Variants in PTPN21 observed in about 807,000 individuals in gnomAD.
PTPN21 encodes the protein protein tyrosine phosphatase non-receptor type 21, also known as tyrosine-protein phosphatase non-receptor type 21.
Under a neutral mutation model 131.8 loss-of-function variants are expected in PTPN21, and 77 were observed. That is an observed-to-expected ratio of 0.58 (90% CI 0.49 to 0.71). The LOEUF (loss-of-function observed/expected upper bound fraction) is 0.71. Among genes scored for constraint, PTPN21 ranks in the 30% least tolerant of loss-of-function variants. The pLI is 0.00. For synonymous variants in PTPN21, 715 were observed against 621.3 expected (o/e 1.15, Z -2.24); for missense variants, 1,552 against 1,527.1 (o/e 1.02, Z -0.27).
At position 88,506,156 on chromosome 14, in the gene PTPN21, T is replaced by C. The variant is rs1024727521; in HGVS notation, c.449-785A>G. 5.9e-5 allele frequency among the ~76,000 whole-genome samples: 9 copies of C among 151,898 alleles called. No individual in the cohort carries two copies. In the East Asian group the frequency reaches 1.5e-3, roughly 26 times the overall value. On this transcript the variant is annotated intron_variant, in intron 4 of 18. Transcript: ENST00000556564. The stretch of plus-strand genomic sequence containing the variant: ...AGAGTCTGAGACCAGCCTAGCAACA[T>C]AGCAAGACCCTATCTCTATAAAAAA...
At chr14:88,521,342 G>A (rs915217161) in intron 2 of PTPN21, among the ~76,000 whole-genome samples, 1 of 151,952 alleles carries the variant, frequency 6.6e-6, no homozygotes, top group African/African-American at 2.4e-5. Context: ...TACCACATTC[G>A]GTCTATAATG....
At chr14:88,477,004 G>A (rs2077556120) in intron 13 of PTPN21, among the ~76,000 whole-genome samples, 2 of 152,126 alleles carry the variant, frequency 1.3e-5, no homozygotes, top group Non-Finnish European at 1.5e-5. Context: ...TTTGGGGAAA[G>A]TACGTGAGTC....
intron 6 of PTPN21, chr14:88,504,014 G>C (rs900777094): frequency 1.2e-5 from 2 of 170,952 alleles, no homozygotes; most frequent in Non-Finnish European, 2.5e-5. Context: ...CATAGGTATA[G>C]AGAGGGAAGT....
rs965630338 is a variant in PTPN21, at chr14:88,554,944, G to T, written c.-496C>A. 2.0e-5 allele frequency among the ~76,000 whole-genome samples: 3 copies of T among 151,632 alleles called. No homozygotes were observed. Among genetic ancestry groups the T allele is most frequent in the African/African-American group, 4.8e-5 (2 of 41,388 alleles). ...TGGGGGCGGGGGGTGGCAGGAGGAC[G>T]GACAGACCGTCGGACCGACGCGGGA... On this transcript the variant is annotated 5_prime_UTR_variant, in exon 1 of 19. Transcript: ENST00000556564.
chr14:88,514,785 A>G (rs942466695), intron 3 of PTPN21, among the ~76,000 whole-genome samples: 2 of 151,898 alleles, frequency 1.3e-5, no homozygotes, highest in Non-Finnish European at 2.9e-5. Flanking sequence ...TTTTCTTCCA[A>G]TATCTTTGAG....
At chr14:88,514,107 A>G (rs957582951) in intron 3 of PTPN21, 3 of 152,182 alleles carry the variant, frequency 2.0e-5, no homozygotes, top group Non-Finnish European at 4.4e-5. Flanking sequence ...GTTCTTTGCC[A>G]ATGTTTTGCC....
At chr14:88,548,889 C>A (rs1290792158) in intron 2 of PTPN21, among the ~76,000 whole-genome samples, 1 of 152,172 alleles carries the variant, frequency 6.6e-6, no homozygotes, top group East Asian at 1.9e-4. Context: ...CCTGGGCAAA[C>A]CTCCCAATCG....
chr14:88,531,826 CT>C (rs1291495296), intron 2 of PTPN21, among the ~76,000 whole-genome samples: 1 of 151,976 alleles, frequency 6.6e-6, no homozygotes, highest in African/African-American at 2.4e-5. Flanking sequence ...AAAGCTGGTT[CT>C]TTGAAAAGGT....
intron 2 of PTPN21, among the ~76,000 whole-genome samples, chr14:88,522,710 T>TA (rs1288194881): frequency 1.3e-5 from 2 of 152,164 alleles, no homozygotes; most frequent in Non-Finnish European, 2.9e-5. Flanking sequence ...ATTATATTTC[T>TA]AAAATTGCTG....
chr14:88,549,185 C>A (rs749084052), intron 2 of PTPN21, among the ~76,000 whole-genome samples: 6 of 152,166 alleles, frequency 3.9e-5, no homozygotes, highest in African/African-American at 1.4e-4. Flanking sequence ...ATGCCTATCG[C>A]GGGAGGATCG....
Position 88,523,098 on chromosome 14 carries a change from A to G in PTPN21, c.181-5837T>C, listed in dbSNP as rs115042304. 5.9e-3 allele frequency among the ~76,000 whole-genome samples: 905 copies of G among 152,278 alleles called. 11 individuals are homozygous for G. Among genetic ancestry groups the G allele is most frequent in the African/African-American group, 0.021 (875 of 41,556 alleles). On this transcript the variant is annotated intron_variant, in intron 2 of 18. Coordinates refer to ENST00000556564, the MANE Select transcript of PTPN21 (RefSeq NM_007039.4). ...GAGAGAATACTTTCTAACTCAATCT[A>G]TAGGCCAGCATTACCCCAATACCAA...
At chr14:88,538,972 T>C (rs986350789) in intron 2 of PTPN21, among the ~76,000 whole-genome samples, 2 of 152,252 alleles carry the variant, frequency 1.3e-5, no homozygotes, top group Admixed American at 6.5e-5. Flanking sequence ...CATGGTTTTC[T>C]AGTCCCTTTA....
chr14:88,541,752 C>T (rs2078709609), intron 2 of PTPN21, among the ~76,000 whole-genome samples: 2 of 152,148 alleles, frequency 1.3e-5, no homozygotes, highest in South Asian at 2.1e-4. Context: ...GAAGGGTCAG[C>T]GAGGGGAGGC....
At position 88,517,135 on chromosome 14, in the gene PTPN21, A is replaced by C. The variant is rs774763286; in HGVS notation, c.307T>G (p.Phe103Val). Residue 103 changes from phenylalanine (F) to valine (V), a missense_variant, in exon 3 of 19, where the codon TTT (phenylalanine) becomes GTT (valine). This residue lies in a region of PTPN21 where 206 missense variants were observed against 221.6 expected (regional missense o/e 0.93). Coordinates refer to ENST00000556564, the MANE Select transcript of PTPN21 (RefSeq NM_007039.4). ...AGCTGAGAAACTGAAGGCACATAAA[A>C]CACCACTCCAAAATAGACGGTAGGT... ...LEPTVYFGVV[F>V]YVPSVSQLQQ... 2.4e-5 allele frequency: 38 copies of C among 1,614,062 alleles called. No homozygotes were observed. Among genetic ancestry groups the C allele is most frequent in the Non-Finnish European group, 3.0e-5 (35 of 1,179,960 alleles).
Position 88,550,331 on chromosome 14 carries a change from C to T in PTPN21, c.87G>A (p.Leu29=), listed in dbSNP as rs142264340. Residue 29 remains leucine, a synonymous_variant, in exon 2 of 19, where the codon CTG becomes CTA. Coordinates refer to ENST00000556564, the MANE Select transcript of PTPN21 (RefSeq NM_007039.4). ...SKSCLVARIQ[L]LNNEFVEFTL... The stretch of plus-strand genomic sequence containing the variant: ...TGAACTCCACAAACTCGTTATTAAG[C>T]AGTTGGATCCGGGCAACCAGGCAAC... 1.5e-5 allele frequency: 24 copies of T among 1,614,100 alleles called. No individual in the cohort carries two copies. The highest frequency in any genetic ancestry group is 2.0e-5 in the Non-Finnish European group (24 of 1,180,036).
intron 2 of PTPN21, among the ~76,000 whole-genome samples, chr14:88,549,402 T>C (rs2078827459): frequency 6.6e-6 from 1 of 152,160 alleles, no homozygotes. Context: ...AGAGGGGGAA[T>C]ATAAACATAT....
At chr14:88,547,786 T>A (rs1050291418) in intron 2 of PTPN21, 12 of 392,264 alleles carry the variant, frequency 3.1e-5, no homozygotes, top group South Asian at 2.4e-4. Context: ...CCATGAGGGG[T>A]CTGCGATGTC....
At chr14:88,474,131 C>CGAAAAAAAAA (rs1555382614) in intron 13 of PTPN21, among the ~76,000 whole-genome samples, 1 of 46,686 alleles carries the variant, frequency 2.1e-5, no homozygotes, top group Non-Finnish European at 4.1e-5. Flanking sequence ...AGCTGAAGTC[C>CGAAAAAAAAA]AAAAAAAAAA....
chr14:88,541,955 T>G (rs769216714), intron 2 of PTPN21, among the ~76,000 whole-genome samples: 16 of 152,110 alleles, frequency 1.1e-4, no homozygotes, highest in Non-Finnish European at 1.9e-4. Flanking sequence ...CCTAGGCCCA[T>G]GGATGGACTT....
Sources: gnomAD v4.1 joint callset for allele counts (sites outside exome capture counted in the v4.1 genomes callset) on GRCh38, gnomAD v4.1.1 for gene constraint, gnomAD v4.1.1 regional missense constraint, MANE v1.5 for transcripts, NCBI Gene and HGNC (gene_info 2026-07-23, HGNC 2026-07-21) for gene names.